The following HTR2C variants were observed in gnomAD, a reference collection of about 807,000 sequenced individuals.
HTR2C encodes 5-hydroxytryptamine receptor 2C, also known as 5-hydroxytryptamine (serotonin) receptor 2C, G protein-coupled.
In HTR2C, 5 loss-of-function variants were observed where a neutral mutation model predicts 21.0. The observed-to-expected ratio is 0.24, with a 90% CI of 0.12 to 0.50. The LOEUF is 0.50. HTR2C is among the 20% of genes least tolerant of loss of function. The pLI, the probability that HTR2C is intolerant of heterozygous loss-of-function variation, is 0.98. For synonymous variants in HTR2C, 150 were observed against 145.3 expected (o/e 1.03, Z -0.23); for missense variants, 271 against 371.2 (o/e 0.73, Z 2.22).
chrX:114,649,920 T>C (rs1930496066), intron 2 of HTR2C, among the ~76,000 whole-genome samples: 1 of 111,689 alleles, frequency 9.0e-6, no homozygotes, highest in Non-Finnish European at 1.9e-5. Flanking sequence ...CGGCCTTTTC[T>C]CTGGTTTTGA....
intron 2 of HTR2C, among the ~76,000 whole-genome samples, chrX:114,701,523 A>G (rs1423695603): frequency 9.0e-6 from 1 of 111,524 alleles, no homozygotes; most frequent in Non-Finnish European, 1.9e-5. Flanking sequence ...AAGGAAAACT[A>G]ACAGACAGAA....
rs201035397 is a variant in HTR2C, at chrX:114,909,857, C to T, written c.*2442C>T. Reference sequence around the variant, plus strand: ...GTGATGAATTTACCATCAAACAAATCATTTTGATGTATTATTATATATGTA... The same window carrying T: ...GTGATGAATTTACCATCAAACAAATTATTTTGATGTATTATTATATATGTA... On this transcript the variant is annotated 3_prime_UTR_variant, in exon 6 of 6. Coordinates refer to ENST00000276198, the MANE Select transcript of HTR2C (RefSeq NM_000868.4). 2 of 112,214 alleles carry T rather than the reference C, an allele frequency of 1.8e-5. No individual in the cohort carries two copies. The highest frequency in any genetic ancestry group is 3.8e-5 in the Non-Finnish European group (2 of 53,203). The allele number at this position is 112,214 out of a possible 1,213,427, so 9.2% of individuals were successfully genotyped here.
intron 4 of HTR2C, among the ~76,000 whole-genome samples, chrX:114,844,919 G>A (rs2070862610): frequency 9.0e-6 from 1 of 111,478 alleles, no homozygotes; most frequent in South Asian, 3.7e-4. Context: ...AATAATATTT[G>A]GAGATATCAA....
chrX:114,850,928 A>G (rs2070912150), intron 5 of HTR2C, among the ~76,000 whole-genome samples: 1 of 111,606 alleles, frequency 9.0e-6, no homozygotes, highest in African/African-American at 3.3e-5. Flanking sequence ...ACACTATCCA[A>G]GAGAAAGACT....
chrX:114,791,306 T>C (rs2070230033), intron 4 of HTR2C, among the ~76,000 whole-genome samples: 1 of 112,462 alleles, frequency 8.9e-6, no homozygotes, highest in African/African-American at 3.2e-5. Context: ...TATAAATGAG[T>C]ATAGGAATGC....
intron 4 of HTR2C, among the ~76,000 whole-genome samples, chrX:114,761,918 C>T (rs1556432512): frequency 8.5e-4 from 87 of 102,676 alleles, no homozygotes; most frequent in Non-Finnish European, 1.4e-3. Flanking sequence ...TGTATATATA[C>T]GTGTATATAT....
rs1335193854 is a variant in HTR2C at position 114,847,947 on chromosome X, CT to C, written c.350-55del. The C allele has an allele frequency of 6.1e-5, 58 of 947,121 alleles. 2 individuals carry two copies. In the South Asian group the frequency reaches 1.2e-3, roughly 20 times the overall value. 78.1% of individuals were successfully genotyped at this position (947,121 alleles called of 1,213,427 possible). ...AATATAAGCAGACTAAAATTTGAGACTATAGTCAGTACAATTTGGATGACGT... is the reference window on the plus strand; with the variant it reads ...AATATAAGCAGACTAAAATTTGAGACATAGTCAGTACAATTTGGATGACGT... On this transcript the variant is annotated intron_variant, in intron 4 of 5. Coordinates refer to ENST00000276198, the MANE Select transcript of HTR2C (RefSeq NM_000868.4).
intron 5 of HTR2C, among the ~76,000 whole-genome samples, chrX:114,851,435 G>A (rs1324528944): frequency 3.6e-5 from 4 of 111,792 alleles, no homozygotes; most frequent in Non-Finnish European, 7.5e-5. Flanking sequence ...AATAAACTTT[G>A]ACCTAATGGA....
At chrX:114,816,427 G>A (rs2070586321) in intron 4 of HTR2C, among the ~76,000 whole-genome samples, 1 of 108,750 alleles carries the variant, frequency 9.2e-6, no homozygotes, top group African/African-American at 3.3e-5. Flanking sequence ...ACGAGATAAT[G>A]TAAAGTTTCC....
At chrX:114,648,545 T>A (rs1050960519) in intron 2 of HTR2C, among the ~76,000 whole-genome samples, 2 of 111,147 alleles carry the variant, frequency 1.8e-5, no homozygotes, top group Non-Finnish European at 3.8e-5. Context: ...CTAGGCAACA[T>A]AATGAAACCC....
At chrX:114,888,242 T>A (rs2071235223) in intron 5 of HTR2C, among the ~76,000 whole-genome samples, 1 of 111,561 alleles carries the variant, frequency 9.0e-6, no homozygotes, top group South Asian at 3.7e-4. Flanking sequence ...GTAGTCCCAA[T>A]CTAGAATTTG....
intron 2 of HTR2C, among the ~76,000 whole-genome samples, chrX:114,701,744 C>G (rs1159307492): frequency 8.9e-6 from 1 of 112,144 alleles, no homozygotes; most frequent in Non-Finnish European, 1.9e-5. Context: ...AAGAAGGCTT[C>G]AGACGATCAA....
chrX:114,601,552 T>C (rs1438177151), intron 1 of HTR2C, among the ~76,000 whole-genome samples: 1 of 108,543 alleles, frequency 9.2e-6, no homozygotes, highest in Non-Finnish European at 1.9e-5. Context: ...TGTTATCACT[T>C]AAGGCAAGGA....
At chrX:114,878,026 T>C (rs1007142591) in intron 5 of HTR2C, among the ~76,000 whole-genome samples, 1 of 110,929 alleles carries the variant, frequency 9.0e-6, no homozygotes, top group East Asian at 2.8e-4. Context: ...TTCTATTGGT[T>C]GATCTATACA....
At chrX:114,829,308 G>C (rs956105044) in intron 4 of HTR2C, among the ~76,000 whole-genome samples, 1 of 111,096 alleles carries the variant, frequency 9.0e-6, no homozygotes, top group Non-Finnish European at 1.9e-5. Context: ...TTTCTCTAAT[G>C]ACTAATGATG....
intron 2 of HTR2C, among the ~76,000 whole-genome samples, chrX:114,722,199 A>G (rs1556420862): frequency 9.1e-6 from 1 of 109,563 alleles, no homozygotes. Context: ...TTCTTTGAGC[A>G]GTGATTTGTA....
intron 5 of HTR2C, among the ~76,000 whole-genome samples, chrX:114,853,744 A>C (rs2070937707): frequency 8.9e-6 from 1 of 111,769 alleles, no homozygotes; most frequent in African/African-American, 3.2e-5. Context: ...ATGCTATTAC[A>C]TAAATGTTAT....
chrX:114,785,839 T>G (rs1183195123), intron 4 of HTR2C, among the ~76,000 whole-genome samples: 1 of 111,893 alleles, frequency 8.9e-6, no homozygotes, highest in Non-Finnish European at 1.9e-5. Flanking sequence ...AAATTATACT[T>G]CAATAAAAGA....
intron 4 of HTR2C, among the ~76,000 whole-genome samples, chrX:114,821,259 G>T (rs1556456178): frequency 9.0e-6 from 1 of 110,830 alleles, no homozygotes; most frequent in Non-Finnish European, 1.9e-5. Flanking sequence ...ACAGCAGTTA[G>T]TAAGGTGATC....
Sources: allele counts gnomAD v4.1 joint callset (sites outside exome capture counted in the v4.1 genomes callset), GRCh38; gene constraint gnomAD v4.1.1; transcripts MANE v1.5; gene names NCBI Gene and HGNC (gene_info 2026-07-23, HGNC 2026-07-21).